Variants in YES1 observed in about 807,000 individuals in gnomAD.
YES1 encodes tyrosine-protein kinase Yes.
Under a neutral mutation model 70.4 loss-of-function variants are expected in YES1, and 39 were observed. The observed-to-expected ratio is 0.55, with a 90% confidence interval of 0.43 to 0.72. The LOEUF is 0.72. Among genes scored for constraint, YES1 ranks in the 30% least tolerant of loss-of-function variants. YES1 has a pLI of 0.00. For missense variants in YES1, 495 were observed against 644.8 expected, an observed-to-expected ratio of 0.77 and a Z score of 2.52; for synonymous variants, 198 against 218.6, an observed-to-expected ratio of 0.91 and a Z score of 0.83.
At chr18:773,768 C>T (rs1905253607) in intron 1 of YES1, among the ~76,000 whole-genome samples, 1 of 150,696 alleles carries the variant, frequency 6.6e-6, no homozygotes, top group African/African-American at 2.5e-5. Flanking sequence ...TGATCCAATG[C>T]TGACTAATAA....
At chr18:726,068 A>G (rs923194103) in intron 11 of YES1, among the ~76,000 whole-genome samples, 53 of 152,318 alleles carry the variant, frequency 3.5e-4, no homozygotes, top group African/African-American at 1.2e-3. Context: ...GTTAGGATTA[A>G]GCAATCCAAA....
chr18:734,870 G>A lies in YES1; in HGVS notation c.1292-1905C>T, dbSNP rs562893688. 1.1e-4 allele frequency among the ~76,000 whole-genome samples: 17 copies of A among 152,102 alleles called. 1 individual carries two copies. The highest frequency in any genetic ancestry group is 1.0e-3 in the South Asian group (5 of 4,818). On this transcript the variant is annotated intron_variant, in intron 10 of 11. Transcript: ENST00000314574. ...TACTGGGTATCTTCCCAAAGGAAAT[G>A]AAATCAGCCAGGTGTGGTGGCTCAC...
rs562572795 is a variant in YES1, at chr18:723,032, C to G, written c.*1392G>C. On this transcript the variant is annotated 3_prime_UTR_variant, in exon 12 of 12. Transcript: ENST00000314574. ...GTGTGAACCTGGGAGGCAGAGCTTG[C>G]AGTGAGCCGAGATCGCGCCACTGCA... 43 of 152,314 alleles carry G rather than the reference C, an allele frequency of 2.8e-4. No homozygotes were observed. The highest frequency in any genetic ancestry group is 9.1e-4 in the African/African-American group (38 of 41,568). The allele number at this position is 152,314 out of a possible 1,614,324, so 9.4% of individuals were successfully genotyped here.
At position 722,837 on chromosome 18, in the gene YES1, A is replaced by G. The variant is rs1007282671; in HGVS notation, c.*1587T>C. 3.9e-5 allele frequency: 6 copies of G among 152,252 alleles called. No homozygotes were observed. The highest frequency in any genetic ancestry group is 8.8e-5 in the Non-Finnish European group (6 of 68,066). The allele number at this position is 152,252 out of a possible 1,614,324, so 9.4% of individuals were successfully genotyped here. On this transcript the variant is annotated 3_prime_UTR_variant, in exon 12 of 12. Transcript: ENST00000314574. Reference sequence around the variant, plus strand: ...GCTGGGCGCGGTGGCTCACGCCTGTAATCCCAGCACTTTGGGAGGCCGAGG... The same window carrying G: ...GCTGGGCGCGGTGGCTCACGCCTGTGATCCCAGCACTTTGGGAGGCCGAGG...
At chr18:782,845 C>T (rs993011736) in intron 1 of YES1, among the ~76,000 whole-genome samples, 1 of 152,276 alleles carries the variant, frequency 6.6e-6, no homozygotes, top group East Asian at 1.9e-4. Flanking sequence ...CTGGTGTGCA[C>T]CACCATGCCC....
intron 1 of YES1, among the ~76,000 whole-genome samples, chr18:808,524 T>C (rs977882363): frequency 2.0e-5 from 3 of 152,236 alleles, no homozygotes; most frequent in Admixed American, 6.5e-5. Context: ...ATAGGACTTA[T>C]ATTATAAAAC....
At chr18:775,870 C>G (rs995344256) in intron 1 of YES1, among the ~76,000 whole-genome samples, 1 of 152,024 alleles carries the variant, frequency 6.6e-6, no homozygotes, top group African/African-American at 2.4e-5. Flanking sequence ...CTTAACGATG[C>G]TTCTGAGACT....
intron 8 of YES1, 122 bp from the exon 9 acceptor site, chr18:739,933 T>C (rs1257287934): frequency 3.9e-6 from 3 of 763,312 alleles, no homozygotes; most frequent in East Asian, 2.9e-5. Flanking sequence ...TTTTAAATTT[T>C]GTGCAGTTTT....
At chr18:726,962 G>A (rs2080028385) in intron 11 of YES1, among the ~76,000 whole-genome samples, 1 of 152,116 alleles carries the variant, frequency 6.6e-6, no homozygotes, top group South Asian at 2.1e-4. Flanking sequence ...AAGAACAGTA[G>A]GCAATGGATC....
chr18:725,298 T>C (rs1374741878), intron 11 of YES1, among the ~76,000 whole-genome samples: 1 of 152,076 alleles, frequency 6.6e-6, no homozygotes, highest in East Asian at 1.9e-4. Flanking sequence ...CCTCACGTCC[T>C]ATCTCCCGCA....
chr18:740,540 T>C (rs569110252), intron 8 of YES1, among the ~76,000 whole-genome samples: 16 of 152,234 alleles, frequency 1.1e-4, no homozygotes, highest in Non-Finnish European at 1.9e-4. Flanking sequence ...GGTCCAGAGC[T>C]AGGGAGACCA....
At chr18:771,864 A>G (rs563384478) in intron 1 of YES1, among the ~76,000 whole-genome samples, 2 of 152,092 alleles carry the variant, frequency 1.3e-5, no homozygotes, top group South Asian at 4.2e-4. Context: ...TTCCTTATGT[A>G]TCTGCTTGGT....
At chr18:789,564 G>A (rs552227399) in intron 1 of YES1, among the ~76,000 whole-genome samples, 15 of 152,180 alleles carry the variant, frequency 9.9e-5, no homozygotes, top group African/African-American at 3.4e-4. Context: ...GCCTAGGCAA[G>A]AGAGCAAGAC....
intron 8 of YES1, among the ~76,000 whole-genome samples, 200 bp downstream of exon 8, chr18:742,718 C>A (rs1290560974): frequency 6.6e-6 from 1 of 152,150 alleles, no homozygotes; most frequent in Admixed American, 6.5e-5. Context: ...AGCCTGCCTA[C>A]TTTTCCTTTT....
At chr18:734,362 G>A (rs910053264) in intron 10 of YES1, among the ~76,000 whole-genome samples, 5 of 151,602 alleles carry the variant, frequency 3.3e-5, no homozygotes, top group Non-Finnish European at 5.9e-5. Context: ...AGACCATCCT[G>A]GCTAATACGG....
At chr18:797,735 T>C (rs904947606) in intron 1 of YES1, among the ~76,000 whole-genome samples, 1 of 152,234 alleles carries the variant, frequency 6.6e-6, no homozygotes, top group South Asian at 2.1e-4. Context: ...CAACTTTCAG[T>C]GTCTGCATTT....
intron 1 of YES1, among the ~76,000 whole-genome samples, chr18:758,357 C>T (rs1277256371): frequency 6.6e-6 from 1 of 152,116 alleles, no homozygotes; most frequent in African/African-American, 2.4e-5. Flanking sequence ...ATACCTTTTC[C>T]CTTCCCTGTC....
rs1182882226 is a variant in YES1 at position 759,769 on chromosome 18, TTACATATGTA to T, written c.-8-2944_-8-2935del. ...AGGGTACATGTGCACAACGTGCAGG[TTACATATGTA>T]TACATGTGCCATGTTGGTGTGCTGC... On this transcript the variant is annotated intron_variant, in intron 1 of 11. Coordinates refer to ENST00000314574, the MANE Select transcript of YES1 (RefSeq NM_005433.4). Among the ~76,000 whole-genome samples, 18 of 152,226 alleles carry T rather than the reference TTACATATGTA, an allele frequency of 1.2e-4. 1 individual carries two copies. The highest frequency in any genetic ancestry group is 1.0e-3 in the South Asian group (5 of 4,816).
intron 10 of YES1, chr18:736,546 A>G (rs946146612): frequency 1.0e-4 from 28 of 277,766 alleles, no homozygotes; most frequent in Middle Eastern, 1.1e-3. Context: ...ATTAAAATAT[A>G]TTTGTTGTCA....
Sources: allele counts gnomAD v4.1 joint callset (sites outside exome capture counted in the v4.1 genomes callset), GRCh38; gene constraint gnomAD v4.1.1; transcripts MANE v1.5; gene names NCBI Gene and HGNC (gene_info 2026-07-23, HGNC 2026-07-21).